Variants in MYO3B observed in about 807,000 individuals in gnomAD.
The protein encoded by MYO3B is myosin IIIB, also known as myosin-IIIb.
A neutral mutation model predicts 174.6 loss-of-function variants in MYO3B; 156 were observed. That is an observed-to-expected ratio of 0.89 (90% CI 0.78 to 1.02). MYO3B has a LOEUF of 1.02. Ranked by LOEUF, MYO3B falls within the 50% of genes least tolerant of loss-of-function variation. MYO3B has a pLI of 0.00. For missense variants in MYO3B, 1,632 were observed against 1,639.4 expected (o/e 1.00, Z 0.08); for synonymous variants, 563 against 569.1 (o/e 0.99, Z 0.15).
intron 25 of MYO3B, among the ~76,000 whole-genome samples, chr2:170,470,280 G>A (rs1684906846): frequency 6.6e-6 from 1 of 151,960 alleles, no homozygotes; most frequent in South Asian, 2.1e-4. Context: ...ACCAAACTTA[G>A]GCAACCAATA....
chr2:170,315,418 G>T (rs940219173), intron 7 of MYO3B, among the ~76,000 whole-genome samples: 19 of 151,594 alleles, frequency 1.3e-4, no homozygotes, highest in African/African-American at 4.6e-4. Context: ...TGATTCTCCT[G>T]CCTCAGCCTC....
At chr2:170,327,268 C>T (rs1289044924) in intron 7 of MYO3B, among the ~76,000 whole-genome samples, 2 of 152,176 alleles carry the variant, frequency 1.3e-5, no homozygotes, top group African/African-American at 4.8e-5. Context: ...GCCTGTATTC[C>T]CAACTACTCG....
intron 22 of MYO3B, among the ~76,000 whole-genome samples, chr2:170,411,026 A>G (rs1259872103): frequency 6.6e-6 from 1 of 152,174 alleles, no homozygotes; most frequent in African/African-American, 2.4e-5. Flanking sequence ...CTCTGAAAAA[A>G]AATTAGAATT....
At chr2:170,232,081 C>CT (rs1437208390) in intron 6 of MYO3B, among the ~76,000 whole-genome samples, 4 of 152,278 alleles carry the variant, frequency 2.6e-5, no homozygotes, top group African/African-American at 9.6e-5. Flanking sequence ...ACTTACTTGC[C>CT]TTCGTCAGTC....
intron 7 of MYO3B, among the ~76,000 whole-genome samples, chr2:170,264,574 C>T (rs759273609): frequency 3.9e-5 from 6 of 152,156 alleles, no homozygotes; most frequent in Non-Finnish European, 5.9e-5. Flanking sequence ...CAATCTGCCA[C>T]GTGCTGGTTG....
intron 19 of MYO3B, among the ~76,000 whole-genome samples, chr2:170,403,381 T>G (rs1304280030): frequency 6.6e-6 from 1 of 152,222 alleles, no homozygotes; most frequent in Admixed American, 6.5e-5. Flanking sequence ...CCCTATCCCC[T>G]ATCTGCTATA....
chr2:170,365,198 G>T (rs375354524), intron 8 of MYO3B, among the ~76,000 whole-genome samples: 3 of 152,198 alleles, frequency 2.0e-5, no homozygotes, highest in Non-Finnish European at 2.9e-5. Flanking sequence ...GGGTCCTCCT[G>T]TGGGAGTTGA....
At chr2:170,287,199 G>T (rs1190695926) in intron 7 of MYO3B, among the ~76,000 whole-genome samples, 1 of 152,082 alleles carries the variant, frequency 6.6e-6, no homozygotes, top group Non-Finnish European at 1.5e-5. Context: ...GGGGGTGCAT[G>T]TATCTCTTTT....
At chr2:170,496,743 A>C (rs1005366071) in intron 25 of MYO3B, among the ~76,000 whole-genome samples, 3 of 151,772 alleles carry the variant, frequency 2.0e-5, no homozygotes, top group African/African-American at 7.3e-5. Flanking sequence ...CTCTGGGCTC[A>C]AGCCTCCCAG....
At chr2:170,585,757 G>T (rs1693462988) in intron 32 of MYO3B, among the ~76,000 whole-genome samples, 4 of 152,102 alleles carry the variant, frequency 2.6e-5, no homozygotes, top group African/African-American at 9.7e-5. Flanking sequence ...ACCACTTCAA[G>T]AAATCACACA....
chr2:170,310,648 A>G (rs1187147250), intron 7 of MYO3B, among the ~76,000 whole-genome samples: 3 of 145,660 alleles, frequency 2.1e-5, no homozygotes. Flanking sequence ...CTGGGCGACA[A>G]GAGCAAGACT....
chr2:170,500,659 G>A (rs574325095), intron 27 of MYO3B, among the ~76,000 whole-genome samples: 2 of 152,300 alleles, frequency 1.3e-5, no homozygotes, highest in South Asian at 4.2e-4. Context: ...AGGATAGATA[G>A]TGGCGGTATA....
At chr2:170,507,557 A>G (rs1687690023) in intron 28 of MYO3B, among the ~76,000 whole-genome samples, 2 of 151,730 alleles carry the variant, frequency 1.3e-5, no homozygotes, top group South Asian at 4.2e-4. Flanking sequence ...GCACCACCAC[A>G]CCCAGCTCTT....
At chr2:170,238,888 C>G (rs1466700417) in intron 7 of MYO3B, among the ~76,000 whole-genome samples, 1 of 152,182 alleles carries the variant, frequency 6.6e-6, no homozygotes. Flanking sequence ...TCTCCTTTCT[C>G]TTGACCTTCA....
At chr2:170,427,701 T>A (rs2105875562) in intron 22 of MYO3B, among the ~76,000 whole-genome samples, 1 of 152,322 alleles carries the variant, frequency 6.6e-6, no homozygotes, top group South Asian at 2.1e-4. Context: ...CAAGGATATA[T>A]ACATATACAT....
intron 6 of MYO3B, among the ~76,000 whole-genome samples, chr2:170,220,728 C>G (rs1417495890): frequency 2.6e-5 from 4 of 151,532 alleles, no homozygotes; most frequent in African/African-American, 9.7e-5. Context: ...CCCCTGTTAG[C>G]TGGGAAAAGC....
intron 1 of MYO3B, chr2:170,180,255 T>G (rs1301310127): frequency 5.8e-6 from 2 of 346,094 alleles, no homozygotes; most frequent in African/African-American, 4.2e-5. Flanking sequence ...TTTGGGGTTG[T>G]TAAGGAACTA....
chr2:170,583,802 A>G (rs1026372038), intron 32 of MYO3B, among the ~76,000 whole-genome samples: 4 of 152,208 alleles, frequency 2.6e-5, no homozygotes, highest in African/African-American at 7.2e-5. Flanking sequence ...CCAAGGTCAC[A>G]CAGCTGGCAA....
chr2:170,560,949 C>T (rs1364806688), intron 32 of MYO3B, among the ~76,000 whole-genome samples: 2 of 152,178 alleles, frequency 1.3e-5, no homozygotes, highest in African/African-American at 4.8e-5. Context: ...AGTGTTCATT[C>T]CTTTTTTGTC....
Sources: gnomAD v4.1 joint callset for allele counts (sites outside exome capture counted in the v4.1 genomes callset) on GRCh38, gnomAD v4.1.1 for gene constraint, MANE v1.5 for transcripts, NCBI Gene and HGNC (gene_info 2026-07-23, HGNC 2026-07-21) for gene names.